KCNQ3: variants seen among roughly 807,000 people sequenced by gnomAD.
KCNQ3 encodes potassium voltage-gated channel subfamily KQT member 3.
KCNQ3 carries 30 observed loss-of-function variants against 92.5 expected under a neutral mutation model. That is an observed-to-expected ratio of 0.32 (90% CI 0.24 to 0.44). The LOEUF is 0.44. Among genes scored for constraint, KCNQ3 ranks in the 20% least tolerant of loss-of-function variants. The pLI is 1.00. For synonymous variants in KCNQ3, 450 were observed against 468.8 expected (o/e 0.96, Z 0.52); for missense variants, 913 against 1,140.3 (o/e 0.80, Z 2.87).
chr8:132,277,385 C>T (rs72719174), intron 1 of KCNQ3, among the ~76,000 whole-genome samples: 2,339 of 152,250 alleles, frequency 0.015, 28 homozygotes, highest in Non-Finnish European at 0.023. Context: ...AGTGTTTGCT[C>T]AGCCCTGGAA....
In KCNQ3 at chr8:132,365,278, C is replaced by T. The variant is rs527322678; in HGVS notation, c.386+114869G>A. Among the ~76,000 whole-genome samples, 12 of 152,354 alleles carry T rather than the reference C, an allele frequency of 7.9e-5. No individual in the cohort carries two copies. The South Asian group carries it at 2.3e-3, about 29-fold the overall frequency. Reference sequence around the variant, plus strand: ...CAAAGGAGCTAACATTTATTGGGTGCCAACTTTGTGTTAGATGCCTCCAAC... The same window carrying T: ...CAAAGGAGCTAACATTTATTGGGTGTCAACTTTGTGTTAGATGCCTCCAAC... On this transcript the variant is annotated intron_variant, in intron 1 of 14. Transcript: ENST00000388996.
At chr8:132,170,530 G>T (rs1345653565) in intron 7 of KCNQ3, 102 bp from the exon 8 acceptor site, 1 of 767,978 alleles carries the variant, frequency 1.3e-6, no homozygotes, top group African/African-American at 1.7e-5. Flanking sequence ...GGACTCCTAA[G>T]AATTTGAATG....
intron 9 of KCNQ3, among the ~76,000 whole-genome samples, chr8:132,144,374 C>T (rs1156664860): frequency 1.3e-5 from 2 of 152,188 alleles, no homozygotes; most frequent in African/African-American, 4.8e-5. Flanking sequence ...AAATGCAAGG[C>T]AAAGTTCACT....
chr8:132,269,088 G>A (rs1288712286), intron 1 of KCNQ3, among the ~76,000 whole-genome samples: 1 of 152,078 alleles, frequency 6.6e-6, no homozygotes, highest in Non-Finnish European at 1.5e-5. Flanking sequence ...TAAATGAGTT[G>A]TTTGTTTTCT....
chr8:132,274,681 T>C (rs1479877474), intron 1 of KCNQ3, among the ~76,000 whole-genome samples: 1 of 152,180 alleles, frequency 6.6e-6, no homozygotes, highest in Non-Finnish European at 1.5e-5. Context: ...GGTCTAGACA[T>C]ACCTGTCTTC....
intron 1 of KCNQ3, among the ~76,000 whole-genome samples, chr8:132,349,977 G>A (rs1240734141): frequency 1.3e-5 from 2 of 152,214 alleles, no homozygotes; most frequent in East Asian, 1.9e-4. Context: ...TGCATCAAGC[G>A]AGATCATGCT....
rs1383169612 is a variant in KCNQ3, at chr8:132,154,192, AGTTTTTTTTT to A, written c.1262+9266_1262+9275del. Among the ~76,000 whole-genome samples the A allele has an allele frequency of 2.3e-3, 238 of 104,472 alleles. 7 individuals are homozygous for A. Among genetic ancestry groups the A allele is most frequent in the African/African-American group, 7.5e-3 (226 of 30,330 alleles). The allele number at this position is 104,472 out of a possible 152,430, so 68.5% of individuals were successfully genotyped here. ...CCTGATGTACCATCAAAAGGGTAAA[AGTTTTTTTTT>A]TTTTTTTTTTTTTTTTTTTTTAGCC... On this transcript the variant is annotated intron_variant, in intron 9 of 14. Transcript: ENST00000388996.
At chr8:132,246,857 G>A (rs1815198298) in intron 1 of KCNQ3, among the ~76,000 whole-genome samples, 1 of 152,164 alleles carries the variant, frequency 6.6e-6, no homozygotes, top group Non-Finnish European at 1.5e-5. Context: ...CTGCATGTGT[G>A]AGACTGTCAG....
At chr8:132,286,652 G>A (rs796561551) in intron 1 of KCNQ3, among the ~76,000 whole-genome samples, 31 of 152,284 alleles carry the variant, frequency 2.0e-4, no homozygotes, top group African/African-American at 6.0e-4. Flanking sequence ...ACTTTTGCAC[G>A]TGAGAAGGAC....
chr8:132,140,631 C>G, intron 10 of KCNQ3: 2 of 247,668 alleles, frequency 8.1e-6, no homozygotes, highest in South Asian at 1.2e-4. Context: ...CTGAATGATA[C>G]AATGAGGATT....
chr8:132,329,292 C>A (rs1298758218), intron 1 of KCNQ3, among the ~76,000 whole-genome samples: 1 of 152,226 alleles, frequency 6.6e-6, no homozygotes, highest in African/African-American at 2.4e-5. Flanking sequence ...AGCCCCCACT[C>A]ACCTCCTCCA....
At chr8:132,254,459 A>C (rs1325471865) in intron 1 of KCNQ3, among the ~76,000 whole-genome samples, 1 of 152,192 alleles carries the variant, frequency 6.6e-6, no homozygotes, top group Non-Finnish European at 1.5e-5. Context: ...AAACTGTTGG[A>C]TATATTAATG....
At chr8:132,186,331 A>G (rs1045479265) in intron 1 of KCNQ3, 150 bp from the exon 2 acceptor site, 6 of 680,084 alleles carry the variant, frequency 8.8e-6, no homozygotes, top group East Asian at 5.6e-5. Context: ...AATCTTCACG[A>G]CAAACCTGCA....
At chr8:132,230,398 G>A (rs1262777689) in intron 1 of KCNQ3, among the ~76,000 whole-genome samples, 2 of 151,516 alleles carry the variant, frequency 1.3e-5, no homozygotes, top group Admixed American at 6.6e-5. Context: ...GCCTGTCACT[G>A]CTGAGAAAGA....
intron 1 of KCNQ3, among the ~76,000 whole-genome samples, chr8:132,342,169 C>T (rs1343367289): frequency 1.3e-5 from 2 of 152,064 alleles, no homozygotes; most frequent in Non-Finnish European, 2.9e-5. Context: ...CTCTAACACT[C>T]CCTAAACTCA....
At chr8:132,142,870 CCTT>C (rs1825340871) in intron 9 of KCNQ3, among the ~76,000 whole-genome samples, 1 of 152,154 alleles carries the variant, frequency 6.6e-6, no homozygotes, top group Non-Finnish European at 1.5e-5. Context: ...AGTGAACACT[CCTT>C]CTGCCACACA....
rs781058299 is a variant in KCNQ3 at position 132,303,565 on chromosome 8, G to GATATATAT, written c.387-117392_387-117385dup. ...ACTTGTGATCAGATAAAGAAAATGT[G>GATATATAT]ATATATATATATATGGTGTGTGTGT... On this transcript the variant is annotated intron_variant, in intron 1 of 14. Transcript: ENST00000388996. 1.3e-3 allele frequency among the ~76,000 whole-genome samples: 57 copies of GATATATAT among 42,570 alleles called. 15 individuals carry two copies. Among genetic ancestry groups the GATATATAT allele is most frequent in the South Asian group, 3.8e-3 (4 of 1,052 alleles). The allele number at this position is 42,570 out of a possible 152,430, so 27.9% of individuals were successfully genotyped here. A position where few individuals can be genotyped will look rare whatever the true frequency, so the allele number is the denominator to read the frequency against.
chr8:132,187,374 G>T (rs1465773493), intron 1 of KCNQ3, among the ~76,000 whole-genome samples: 1 of 152,176 alleles, frequency 6.6e-6, no homozygotes, highest in Non-Finnish European at 1.5e-5. Flanking sequence ...AAGGCGGATG[G>T]AAATGTCTCC....
chr8:132,383,725 C>A (rs1305611145), intron 1 of KCNQ3, among the ~76,000 whole-genome samples: 1 of 152,132 alleles, frequency 6.6e-6, no homozygotes, highest in Non-Finnish European at 1.5e-5. Context: ...CGGATCGGGA[C>A]AGGGTGGTAG....
Sources: gnomAD v4.1 joint callset for allele counts (sites outside exome capture counted in the v4.1 genomes callset) on GRCh38, gnomAD v4.1.1 for gene constraint, MANE v1.5 for transcripts, NCBI Gene and HGNC (gene_info 2026-07-23, HGNC 2026-07-21) for gene names.